ATP10B: variants seen among roughly 807,000 people sequenced by gnomAD.
ATP10B encodes the protein phospholipid-transporting ATPase VB.
Under a neutral mutation model 141.2 loss-of-function variants are expected in ATP10B, and 122 were observed. That is an observed-to-expected ratio of 0.86 (90% CI 0.75 to 1.00). The LOEUF is 1.00. Ranked by LOEUF, ATP10B falls within the 50% of genes least tolerant of loss-of-function variation. The pLI is 0.00. For missense variants in ATP10B, 1,876 were observed against 1,825.3 expected (o/e 1.03, Z -0.51); for synonymous variants, 685 against 692.0 (o/e 0.99, Z 0.16).
At chr5:160,797,325 C>G (rs1376347092) in intron 1 of ATP10B, among the ~76,000 whole-genome samples, 1 of 152,136 alleles carries the variant, frequency 6.6e-6, no homozygotes. Context: ...AGTACCAGCT[C>G]CCCTTTTGCT....
At chr5:160,775,676 ATTTTTTTTT>A (rs10642787) in intron 2 of ATP10B, among the ~76,000 whole-genome samples, 10 of 116,822 alleles carry the variant, frequency 8.6e-5, no homozygotes, top group Admixed American at 5.7e-4. Context: ...CAAGTTTCAG[ATTTTTTTTT>A]TTTTTTTTTT....
chr5:160,808,382 T>C (rs1367291690), intron 1 of ATP10B, among the ~76,000 whole-genome samples: 1 of 151,126 alleles, frequency 6.6e-6, no homozygotes, highest in African/African-American at 2.5e-5. Context: ...AAGTTGTCTC[T>C]GAGAGTTATC....
chr5:160,914,733 C>T, the ATP10B span, among the ~76,000 whole-genome samples: 4,838 of 152,206 alleles, frequency 0.032, 134 homozygotes, highest in East Asian at 0.14. Flanking sequence ...TAACTACGCA[C>T]CTGTTCAGGG....
At position 160,591,040 on chromosome 5, in the gene ATP10B, A is replaced by C; in HGVS notation, c.3645+19T>G. The C allele has an allele frequency of 1.3e-6, 2 of 1,598,888 alleles. No homozygotes were observed. Among genetic ancestry groups the C allele is most frequent in the Non-Finnish European group, 1.7e-6 (2 of 1,166,976 alleles). ...CTTCTCTGCAATTTATGTGGTTAGA[A>C]TGGGACTACATGACTTACCAGGTAA... On this transcript the variant is annotated intron_variant, in intron 23 of 25. Coordinates refer to ENST00000327245, the MANE Select transcript of ATP10B (RefSeq NM_025153.3).
intron 24 of ATP10B, among the ~76,000 whole-genome samples, chr5:160,571,073 C>T (rs1348330679): frequency 7.2e-5 from 11 of 151,830 alleles, no homozygotes; most frequent in Non-Finnish European, 4.4e-5. Flanking sequence ...TTTTATTTAT[C>T]TTGCTTGGGT....
chr5:160,822,700 T>G (rs1244295105), intron 1 of ATP10B, among the ~76,000 whole-genome samples: 1 of 151,972 alleles, frequency 6.6e-6, no homozygotes, highest in Non-Finnish European at 1.5e-5. Context: ...TGAGATGCTA[T>G]TATTTGCACC....
the ATP10B span, among the ~76,000 whole-genome samples, chr5:160,883,112 A>G: frequency 6.6e-6 from 1 of 152,242 alleles, no homozygotes; most frequent in Non-Finnish European, 1.5e-5. Context: ...AAGTAGGTAA[A>G]TAGTTTCAGG....
chr5:160,644,180 T>C lies in ATP10B; in HGVS notation c.826A>G (p.Ile276Val). Residue 276 changes from isoleucine to valine, a missense_variant, in exon 9 of 26, where the codon ATC becomes GTC. By Grantham distance (29) the Ile-to-Val change is conservative. Coordinates refer to ENST00000327245, the MANE Select transcript of ATP10B (RefSeq NM_025153.3). ...CCAACAGCCATCTCGGTGTTTCTGA[T>C]GGTGCAGCCTCGAAGCAGAAGACTC... ...CESLLLRGCT[I>V]RNTEMAVGIV... is the part of the protein sequence containing the mutation. 1 of 1,614,012 alleles carries C rather than the reference T, an allele frequency of 6.2e-7. No homozygotes were observed. Among genetic ancestry groups the C allele is most frequent in the Non-Finnish European group, 8.5e-7 (1 of 1,179,964 alleles).
At chr5:160,731,609 G>C (rs183374981) in intron 2 of ATP10B, among the ~76,000 whole-genome samples, 2 of 152,298 alleles carry the variant, frequency 1.3e-5, no homozygotes, top group African/African-American at 4.8e-5. Flanking sequence ...TTTGGCCTGG[G>C]TGCCAGTGCA....
chr5:160,656,017 G>A (rs1761470603), intron 7 of ATP10B, among the ~76,000 whole-genome samples: 1 of 152,176 alleles, frequency 6.6e-6, no homozygotes, highest in Non-Finnish European at 1.5e-5. Flanking sequence ...GGTACAGCAA[G>A]CCTGCCATCT....
chr5:160,811,448 G>A (rs1773145722), intron 1 of ATP10B, among the ~76,000 whole-genome samples: 1 of 152,132 alleles, frequency 6.6e-6, no homozygotes, highest in South Asian at 2.1e-4. Flanking sequence ...GGGGAGCCCA[G>A]TACTTGGAAG....
At chr5:160,717,235 G>C (rs1193346819) in intron 2 of ATP10B, among the ~76,000 whole-genome samples, 1 of 152,038 alleles carries the variant, frequency 6.6e-6, no homozygotes, top group Non-Finnish European at 1.5e-5. Context: ...GAGAAGGAGA[G>C]GAATTGGAGG....
At chr5:160,925,654 C>G in the ATP10B span, among the ~76,000 whole-genome samples, 1 of 152,196 alleles carries the variant, frequency 6.6e-6, no homozygotes, top group Non-Finnish European at 1.5e-5. Flanking sequence ...TGCAAATTCT[C>G]CTAAAAAGTT....
At chr5:160,658,606 G>C (rs1488043402) in intron 7 of ATP10B, among the ~76,000 whole-genome samples, 1 of 152,120 alleles carries the variant, frequency 6.6e-6, no homozygotes, top group East Asian at 1.9e-4. Flanking sequence ...TCTAGGAATG[G>C]GTACATTGTA....
chr5:160,868,470 A>G, the ATP10B span, among the ~76,000 whole-genome samples: 1 of 151,390 alleles, frequency 6.6e-6, no homozygotes, highest in Non-Finnish European at 1.5e-5. Context: ...AAAAGAGAAA[A>G]ACCTTGCATA....
chr5:160,899,875 A>T, the ATP10B span, among the ~76,000 whole-genome samples: 1,903 of 152,202 alleles, frequency 0.013, 42 homozygotes, highest in African/African-American at 0.044. Context: ...CTTTTCCCAG[A>T]GTGTGAGACA....
intron 7 of ATP10B, among the ~76,000 whole-genome samples, chr5:160,666,478 T>C (rs1022650798): frequency 6.6e-6 from 1 of 152,202 alleles, no homozygotes. Context: ...TATTTAGAAA[T>C]ACTACATAAT....
intron 21 of ATP10B, 26 bp downstream of exon 21, chr5:160,602,551 G>T (rs748541389): frequency 1.2e-6 from 2 of 1,613,056 alleles, no homozygotes; most frequent in East Asian, 4.5e-5. Context: ...AAAGCCCTGG[G>T]TGAGAGGACG....
At chr5:160,832,817 G>C (rs1775181825) in intron 1 of ATP10B, among the ~76,000 whole-genome samples, 1 of 152,080 alleles carries the variant, frequency 6.6e-6, no homozygotes, top group South Asian at 2.1e-4. Flanking sequence ...GGCACAAGAA[G>C]AACAAAACCT....
Sources: gnomAD v4.1 joint callset for allele counts (sites outside exome capture counted in the v4.1 genomes callset) on GRCh38, gnomAD v4.1.1 for gene constraint, MANE v1.5 for transcripts, NCBI Gene and HGNC (gene_info 2026-07-23, HGNC 2026-07-21) for gene names.